Variants in STAC observed in about 807,000 individuals in gnomAD.
STAC encodes the protein SH3 and cysteine-rich domain-containing protein.
STAC carries 43 observed loss-of-function variants against 48.8 expected under a neutral mutation model. The ratio of observed to expected loss-of-function variants is 0.88; its 90% CI spans 0.69 to 1.14. The LOEUF is 1.14. Among genes scored for constraint, STAC ranks in the 50% most tolerant of loss-of-function variants. The pLI, the probability that STAC is intolerant of heterozygous loss-of-function variation, is 0.00. For missense variants in STAC, 497 were observed against 504.0 expected (o/e 0.99, Z 0.13); for synonymous variants, 193 against 179.5 (o/e 1.07, Z -0.60).
chr3:36,506,623 C>A (rs1387582054), intron 8 of STAC, among the ~76,000 whole-genome samples: 1 of 152,124 alleles, frequency 6.6e-6, no homozygotes, highest in African/African-American at 2.4e-5. Context: ...GTTTGTAGTT[C>A]TCCTTGAAGA....
chr3:36,400,148 A>G (rs1194338179), intron 1 of STAC, among the ~76,000 whole-genome samples: 1 of 152,208 alleles, frequency 6.6e-6, no homozygotes, highest in African/African-American at 2.4e-5. Flanking sequence ...TTCACACAGG[A>G]TAAGTAGTTC....
intron 2 of STAC, among the ~76,000 whole-genome samples, chr3:36,454,511 T>C (rs1309508039): frequency 2.6e-5 from 4 of 152,158 alleles, no homozygotes; most frequent in African/African-American, 9.7e-5. Context: ...GGCTTCATTC[T>C]TGAAGTCAGT....
At chr3:36,526,476 T>C (rs143705905) in intron 8 of STAC, among the ~76,000 whole-genome samples, 103 of 152,302 alleles carry the variant, frequency 6.8e-4, no homozygotes, top group African/African-American at 2.4e-3. Context: ...TGATCATTGC[T>C]ATGAAACTGA....
chr3:36,433,216 C>A (rs955268408), intron 1 of STAC, among the ~76,000 whole-genome samples: 11 of 152,086 alleles, frequency 7.2e-5, no homozygotes, highest in Non-Finnish European at 1.0e-4. Context: ...ACAGACCTCC[C>A]AGGAAGAACA....
intron 1 of STAC, among the ~76,000 whole-genome samples, chr3:36,382,443 A>G (rs966953874): frequency 1.1e-4 from 16 of 152,220 alleles, no homozygotes; most frequent in Non-Finnish European, 1.9e-4. Flanking sequence ...TGTAATGCCC[A>G]TAATTATCCA....
intron 1 of STAC, among the ~76,000 whole-genome samples, chr3:36,413,350 G>A (rs1700239917): frequency 6.6e-6 from 1 of 152,150 alleles, no homozygotes; most frequent in Non-Finnish European, 1.5e-5. Context: ...TTATGAATCT[G>A]GGTGTTCCTG....
chr3:36,514,204 CTTTTTTTTT>C (rs765548085), intron 8 of STAC, among the ~76,000 whole-genome samples: 158 of 36,440 alleles, frequency 4.3e-3, no homozygotes, highest in African/African-American at 0.014. Context: ...CACTGGCCTT[CTTTTTTTTT>C]TTTTTTTTTT....
At chr3:36,504,322 C>A (rs1371928970) in intron 6 of STAC, 71 bp from the exon 7 acceptor site, 14 of 1,372,076 alleles carry the variant, frequency 1.0e-5, no homozygotes, top group Non-Finnish European at 1.3e-5. Context: ...TAAATAAAGC[C>A]ATCTTTCAGG....
chr3:36,506,937 C>A (rs1443333093), intron 8 of STAC, among the ~76,000 whole-genome samples: 1 of 152,026 alleles, frequency 6.6e-6, no homozygotes, highest in East Asian at 1.9e-4. Context: ...GCCTGATTGC[C>A]CTGGCCAGAA....
intron 1 of STAC, among the ~76,000 whole-genome samples, chr3:36,426,506 A>T (rs1003831980): frequency 6.6e-6 from 1 of 152,236 alleles, no homozygotes; most frequent in Admixed American, 6.5e-5. Context: ...AAAGTCAAGG[A>T]TTATACACAT....
At chr3:36,412,090 C>A (rs973910168) in intron 1 of STAC, among the ~76,000 whole-genome samples, 4 of 152,252 alleles carry the variant, frequency 2.6e-5, no homozygotes, top group Middle Eastern at 3.4e-3. Context: ...GTTTTTCTTA[C>A]ATAGCAAGAA....
intron 1 of STAC, among the ~76,000 whole-genome samples, chr3:36,386,177 C>A (rs547980378): frequency 6.6e-6 from 1 of 152,122 alleles, no homozygotes; most frequent in East Asian, 1.9e-4. Flanking sequence ...ATCTAATAAG[C>A]AATTAATGGT....
intron 2 of STAC, among the ~76,000 whole-genome samples, chr3:36,464,293 G>C (rs1269587394): frequency 6.6e-6 from 1 of 152,076 alleles, no homozygotes; most frequent in East Asian, 1.9e-4. Flanking sequence ...TTTTTCATGT[G>C]TCTTTTGGCT....
At chr3:36,408,493 C>T (rs1700127924) in intron 1 of STAC, among the ~76,000 whole-genome samples, 1 of 152,122 alleles carries the variant, frequency 6.6e-6, no homozygotes, top group Non-Finnish European at 1.5e-5. Context: ...TCCATATTAC[C>T]ATATTCTCAG....
At chr3:36,436,480 G>A (rs533615268) in intron 1 of STAC, among the ~76,000 whole-genome samples, 32 of 152,184 alleles carry the variant, frequency 2.1e-4, no homozygotes, top group Admixed American at 3.9e-4. Flanking sequence ...CTCCCCCATC[G>A]TTCTTAACCA....
chr3:36,394,343 T>C (rs1472274247), intron 1 of STAC, among the ~76,000 whole-genome samples: 1 of 152,234 alleles, frequency 6.6e-6, no homozygotes, highest in East Asian at 1.9e-4. Flanking sequence ...GGTTCTAGTG[T>C]ACAGTGCTGG....
intron 1 of STAC, among the ~76,000 whole-genome samples, chr3:36,394,674 A>G (rs1246304116): frequency 6.6e-6 from 1 of 152,114 alleles, no homozygotes; most frequent in Non-Finnish European, 1.5e-5. Context: ...AGGCATGTGG[A>G]TCACCTGAAG....
At chr3:36,511,867 C>T (rs1698550263) in intron 8 of STAC, among the ~76,000 whole-genome samples, 1 of 152,200 alleles carries the variant, frequency 6.6e-6, no homozygotes. Context: ...CAGTTAGACC[C>T]TGTTTCCCAG....
At chr3:36,507,756 C>CA (rs1427063458) in intron 8 of STAC, among the ~76,000 whole-genome samples, 1 of 151,960 alleles carries the variant, frequency 6.6e-6, no homozygotes, top group Non-Finnish European at 1.5e-5. Flanking sequence ...GTGGGGTCAG[C>CA]AGTGATATCC....
Sources: gnomAD v4.1 joint callset for allele counts (sites outside exome capture counted in the v4.1 genomes callset) on GRCh38, gnomAD v4.1.1 for gene constraint, MANE v1.5 for transcripts, NCBI Gene and HGNC (gene_info 2026-07-23, HGNC 2026-07-21) for gene names.